Variants in GALNT10 observed in about 807,000 individuals in gnomAD.
The protein encoded by GALNT10 is GalNAc transferase 10.
Under a neutral mutation model 75.0 loss-of-function variants are expected in GALNT10, and 41 were observed. That is an observed-to-expected ratio of 0.55 (90% CI 0.43 to 0.71). The LOEUF is 0.71. Among genes scored for constraint, GALNT10 ranks in the 30% least tolerant of loss-of-function variants. GALNT10 has a pLI of 0.00. For missense variants in GALNT10, 727 were observed against 818.5 expected, an observed-to-expected ratio of 0.89 and a Z score of 1.36; for synonymous variants, 302 against 313.0, an observed-to-expected ratio of 0.96 and a Z score of 0.37.
chr5:154,315,082 GT>G (rs1407915472), intron 3 of GALNT10, among the ~76,000 whole-genome samples: 3 of 139,442 alleles, frequency 2.2e-5, no homozygotes, highest in Non-Finnish European at 4.7e-5. Context: ...TACTTCTGAA[GT>G]TTAGAAATCT....
rs529522567 is a variant in GALNT10, at chr5:154,317,212, T to TA, written c.402-12359dup. Among the ~76,000 whole-genome samples, 133 of 152,352 alleles carry TA rather than the reference T, an allele frequency of 8.7e-4. 1 individual carries two copies. Among genetic ancestry groups the TA allele is most frequent in the African/African-American group, 3.0e-3 (126 of 41,584 alleles). On this transcript the variant is annotated intron_variant, in intron 3 of 11. Coordinates refer to ENST00000297107, the MANE Select transcript of GALNT10 (RefSeq NM_198321.4). ...CAATATTGGGTTTGTTCAATTGACT[T>TA]ACATTTCAGTTTGATCTGTGGATGG... is the stretch of plus-strand genomic sequence containing the variant.
chr5:154,416,824 T>C lies in GALNT10; in HGVS notation c.1664T>C (p.Leu555Pro). The C allele has an allele frequency of 6.2e-7, 1 of 1,613,316 alleles. No individual in the cohort carries two copies. Residue 555 changes from leucine to proline, a missense_variant, in exon 12 of 12, where the codon CTG (leucine) becomes CCG (proline). Coordinates refer to ENST00000297107, the MANE Select transcript of GALNT10 (RefSeq NM_198321.4). The surrounding 1 kb of genome is among the most constrained non-coding windows in gnomAD (Gnocchi z 4.5). ...QLWKYRKDKTLYHPVSGSCMD... is the reference protein window; with the variant it reads ...QLWKYRKDKTPYHPVSGSCMD... ...CTCCATGTTTTGTAGGACAAGACCC[T>C]GTACCACCCTGTCAGTGGCAGCTGC...
intron 7 of GALNT10, chr5:154,392,043 C>G (rs1755906028): frequency 6.6e-6 from 1 of 152,180 alleles, no homozygotes. Context: ...GTGCTGTGCC[C>G]AGAAGGGAGA....
chr5:154,280,151 C>G (rs1475224177), intron 1 of GALNT10, among the ~76,000 whole-genome samples: 1 of 152,102 alleles, frequency 6.6e-6, no homozygotes, highest in Non-Finnish European at 1.5e-5. Context: ...GGGAAATAAA[C>G]CAGGCACAGA....
At position 154,190,985 on chromosome 5, in the gene GALNT10, C is replaced by T. The variant is rs748909453; in HGVS notation, c.119C>T (p.Pro40Leu). 2 of 1,501,776 alleles carry T rather than the reference C, an allele frequency of 1.3e-6. No individual in the cohort carries two copies. Among genetic ancestry groups the T allele is most frequent in the Non-Finnish European group, 8.9e-7 (1 of 1,125,964 alleles). 93.0% of individuals were successfully genotyped at this position (1,501,776 alleles called of 1,614,324 possible). ...CGCGAGCGGCAGCCCGACGGCACCC[C>T]TGGGGGATCGGGGGCGGCGGTGGCG... Reference protein sequence around the residue: ...LYRERQPDGTPGGSGAAVAPA... With the variant: ...LYRERQPDGTLGGSGAAVAPA... The change falls in exon 1 of 12, where the codon CCT becomes CTT. Residue 40 changes from proline (P) to leucine (L), a missense_variant. By Grantham distance (98) the Pro-to-Leu change is moderately conservative. Transcript: ENST00000297107.
At chr5:154,208,405 A>T (rs1328921453) in intron 1 of GALNT10, among the ~76,000 whole-genome samples, 1 of 152,128 alleles carries the variant, frequency 6.6e-6, no homozygotes, top group Non-Finnish European at 1.5e-5. Context: ...AAAGCCATGG[A>T]TTTGCCTAGG....
chr5:154,329,615 A>G lies in GALNT10; in HGVS notation c.445A>G (p.Ile149Val), dbSNP rs376432659. ...CCTGGAGACACTTCCCAACACAAGCATCATCATCCCCTTCCACAACGAGGG... is the reference window on the plus strand; with the variant it reads ...CCTGGAGACACTTCCCAACACAAGCGTCATCATCCCCTTCCACAACGAGGG... ...RYLETLPNTS[I>V]IIPFHNEGWS... Residue 149 changes from isoleucine (I) to valine (V), a missense_variant, in exon 4 of 12, where the codon ATC becomes GTC. By Grantham distance (29) the Ile-to-Val change is conservative. Coordinates refer to ENST00000297107, the MANE Select transcript of GALNT10 (RefSeq NM_198321.4). The G allele has an allele frequency of 2.5e-5, 40 of 1,613,794 alleles. No homozygotes were observed. The African/African-American group carries it at 5.1e-4, about 20-fold the overall frequency.
At chr5:154,253,539 TAAAAAA>T in intron 1 of GALNT10, among the ~76,000 whole-genome samples, 1 of 151,864 alleles carries the variant, frequency 6.6e-6, no homozygotes, top group East Asian at 1.9e-4. Flanking sequence ...TAATAATAAT[TAAAAAA>T]AGAAAATATT....
At chr5:154,219,836 TCTCACA>T (rs1194033504) in intron 1 of GALNT10, among the ~76,000 whole-genome samples, 14 of 134,296 alleles carry the variant, frequency 1.0e-4, no homozygotes, top group African/African-American at 1.8e-4. Flanking sequence ...TCTCTCTCTC[TCTCACA>T]CACACACACA....
chr5:154,331,956 G>T lies in GALNT10; in HGVS notation c.568+2218G>T, dbSNP rs184501283. 4.7e-4 allele frequency among the ~76,000 whole-genome samples: 72 copies of T among 152,212 alleles called. No individual in the cohort carries two copies. In the South Asian group the frequency reaches 8.9e-3, roughly 19 times the overall value. ...CTTGGGGTCCCTCCTTTCAGATGAG[G>T]TGCCCAAGCTAAGTAATTCGCCCAG... On this transcript the variant is annotated intron_variant, in intron 4 of 11. Coordinates refer to ENST00000297107, the MANE Select transcript of GALNT10 (RefSeq NM_198321.4).
At chr5:154,348,405 C>T (rs972466918) in intron 4 of GALNT10, among the ~76,000 whole-genome samples, 4 of 152,210 alleles carry the variant, frequency 2.6e-5, no homozygotes, top group Non-Finnish European at 5.9e-5. Context: ...CTATAAATGC[C>T]AACTATTGTT....
chr5:154,384,943 C>T (rs554315263), intron 6 of GALNT10, among the ~76,000 whole-genome samples: 107 of 152,308 alleles, frequency 7.0e-4, no homozygotes, highest in African/African-American at 2.5e-3. Flanking sequence ...AAATTAGCTC[C>T]GTACAGCACC....
chr5:154,317,579 A>G (rs1231369766), intron 3 of GALNT10, among the ~76,000 whole-genome samples: 1 of 152,220 alleles, frequency 6.6e-6, no homozygotes, highest in Non-Finnish European at 1.5e-5. Context: ...TATAGCAGAC[A>G]GAACCTGCCC....
chr5:154,387,505 A>G (rs529418298), intron 7 of GALNT10: 4 of 152,354 alleles, frequency 2.6e-5, no homozygotes, highest in African/African-American at 9.6e-5. Context: ...GCAAAGGACC[A>G]TTGTCAGGCA....
chr5:154,230,671 C>T (rs919129471), intron 1 of GALNT10, among the ~76,000 whole-genome samples: 2 of 152,214 alleles, frequency 1.3e-5, no homozygotes, highest in African/African-American at 4.8e-5. Context: ...CATAGGACCA[C>T]CTACATCCCT....
At chr5:154,198,232 T>C (rs1337833222) in intron 1 of GALNT10, among the ~76,000 whole-genome samples, 1 of 152,200 alleles carries the variant, frequency 6.6e-6, no homozygotes, top group Non-Finnish European at 1.5e-5. Context: ...AAGCTTGACC[T>C]GTGTGCCTGG....
chr5:154,402,537 G>A lies in GALNT10; in HGVS notation c.1057-1567G>A, dbSNP rs1028925521. ...CCTATGCCAGGAAAAATTACCCCCA[G>A]AATCCATCTTAACACAATACACAGT... On this transcript the variant is annotated intron_variant, in intron 7 of 11. Coordinates refer to ENST00000297107, the MANE Select transcript of GALNT10 (RefSeq NM_198321.4). The surrounding 1 kb of genome is among the most constrained non-coding windows in gnomAD (Gnocchi z 4.2). Among the ~76,000 whole-genome samples the A allele has an allele frequency of 6.6e-6, 1 of 152,188 alleles. No homozygotes were observed. Among genetic ancestry groups the A allele is most frequent in the Non-Finnish European group, 1.5e-5 (1 of 68,032 alleles).
chr5:154,300,774 A>C (rs1424872015), intron 3 of GALNT10, among the ~76,000 whole-genome samples: 1 of 152,198 alleles, frequency 6.6e-6, no homozygotes, highest in East Asian at 1.9e-4. Context: ...CATAGTTGAG[A>C]AGATCAATAA....
intron 1 of GALNT10, among the ~76,000 whole-genome samples, chr5:154,261,489 C>T (rs367596962): frequency 6.6e-6 from 1 of 152,166 alleles, no homozygotes; most frequent in African/African-American, 2.4e-5. Context: ...TGCATTCATT[C>T]CACAGTTCTG....
Sources: gnomAD v4.1 joint callset for allele counts (sites outside exome capture counted in the v4.1 genomes callset) on GRCh38, gnomAD v4.1.1 for gene constraint, Gnocchi (gnomAD v3.1) non-coding constraint, MANE v1.5 for transcripts, NCBI Gene and HGNC (gene_info 2026-07-23, HGNC 2026-07-21) for gene names.